SETD9: variants seen among roughly 807,000 people sequenced by gnomAD.
SETD9 encodes SET domain containing 9.
SETD9 carries 37 observed loss-of-function variants against 36.4 expected under a neutral mutation model. The ratio of observed to expected loss-of-function variants is 1.02; its 90% CI spans 0.78 to 1.34. SETD9 has a LOEUF of 1.34. Ranked by LOEUF, SETD9 falls within the 40% of genes most tolerant of loss-of-function variation. SETD9 has a pLI of 0.00. For missense variants in SETD9, 323 were observed against 353.2 expected (o/e 0.91, Z 0.69); for synonymous variants, 128 against 132.9 (o/e 0.96, Z 0.26).
chr5:56,910,914 T>C (rs947060599), intron 1 of SETD9: 1 of 257,090 alleles, frequency 3.9e-6, no homozygotes, highest in African/African-American at 2.2e-5. Flanking sequence ...TCTGCAAAAA[T>C]GGAATAATGT....
chr5:56,927,685 T>C (rs570480128), downstream of SETD9, among the ~76,000 whole-genome samples: 7 of 152,258 alleles, frequency 4.6e-5, no homozygotes, highest in South Asian at 1.5e-3. Context: ...AGTGTATCTG[T>C]TAAAAAAATC....
intron 4 of SETD9, 59 bp downstream of exon 4, chr5:56,914,048 T>G: frequency 3.1e-6 from 4 of 1,286,028 alleles, no homozygotes; most frequent in Non-Finnish European, 4.5e-6. Flanking sequence ...TCTACTCCTT[T>G]GTCATATGAC....
At chr5:56,913,779 T>TA (rs1749279968) in intron 3 of SETD9, 95 bp from the exon 4 acceptor site, 1 of 664,852 alleles carries the variant, frequency 1.5e-6, no homozygotes, top group South Asian at 2.3e-5. Context: ...TTTTTTTTTT[T>TA]AAGAAAAAAT....
At chr5:56,918,251 T>C (rs1370197024), downstream of SETD9, among the ~76,000 whole-genome samples, 3 of 152,070 alleles carry the variant, frequency 2.0e-5, no homozygotes, top group Non-Finnish European at 1.5e-5. Context: ...GCCAGGCACA[T>C]TCCCAACCAA....
In SETD9 at chr5:56,911,546, C is replaced by A; in HGVS notation, c.466+10C>A. On this transcript the variant is annotated intron_variant, in intron 2 of 5. Transcript: ENST00000285947. ...GTATCTATGTATCCTGGTAACAGCA[C>A]GATTAATATTATACTTTGCCAAGCT... The A allele has an allele frequency of 6.6e-7, 1 of 1,525,778 alleles. No individual in the cohort carries two copies. Among genetic ancestry groups the A allele is most frequent in the Non-Finnish European group, 8.7e-7 (1 of 1,143,834 alleles). The allele number at this position is 1,525,778 out of a possible 1,614,324, so 94.5% of individuals were successfully genotyped here. A position where few individuals can be genotyped will look rare whatever the true frequency, so the allele number is the denominator to read the frequency against.
chr5:56,923,261 T>C (rs1561228687), intron 5 of SETD9: 2 of 1,614,098 alleles, frequency 1.2e-6, no homozygotes, highest in Admixed American at 3.3e-5. Context: ...ATGTGTGTGA[T>C]TTTCAAAGTC....
chr5:56,925,417 G>C lies in SETD9; in HGVS notation c.*81G>C, dbSNP rs1290228530. ...ATAAGCACTTACAGCAAAGTTTCAG[G>C]AGACAAGGTTAATACACAAAAGTCA... is the stretch of plus-strand genomic sequence containing the variant. On this transcript the variant is annotated 3_prime_UTR_variant, in exon 6 of 6. Transcript: ENST00000628593. 7 of 434,122 alleles carry C rather than the reference G, an allele frequency of 1.6e-5. No homozygotes were observed. In the Admixed American group the frequency reaches 1.9e-4, roughly 12 times the overall value. The allele number at this position is 434,122 out of a possible 1,614,324, so 26.9% of individuals were successfully genotyped here. A position where few individuals can be genotyped will look rare whatever the true frequency, so the allele number is the denominator to read the frequency against.
downstream of SETD9, chr5:56,920,241 C>T (rs939524848): frequency 1.3e-4 from 20 of 152,486 alleles, no homozygotes; most frequent in African/African-American, 4.8e-4. Context: ...CTGACCATGA[C>T]AAGAGGAAAA....
At chr5:56,927,171 ATG>A (rs1486183788), downstream of SETD9, among the ~76,000 whole-genome samples, 6 of 152,146 alleles carry the variant, frequency 3.9e-5, no homozygotes, top group Non-Finnish European at 7.4e-5. Flanking sequence ...ACTGGTGGAT[ATG>A]TATCATTATA....
chr5:56,925,286 A>G, intron 5 of SETD9: 1 of 448,978 alleles, frequency 2.2e-6, no homozygotes, highest in Middle Eastern at 4.2e-4. Flanking sequence ...AAGAAATAAA[A>G]AGTATACAGA....
rs373520587 is a variant in SETD9 at position 56,911,537 on chromosome 5, G to A, written c.466+1G>A. On this transcript the variant is annotated splice_donor_variant, in intron 2 of 5. Coordinates refer to ENST00000285947, the MANE Select transcript of SETD9 (RefSeq NM_153706.4). LOFTEE classifies it high-confidence loss of function. ...GGCGCAGTCGTATCTATGTATCCTG[G>A]TAACAGCACGATTAATATTATACTT... is the stretch of plus-strand genomic sequence containing the variant. The A allele has an allele frequency of 3.3e-6, 5 of 1,537,018 alleles. No individual in the cohort carries two copies. Among genetic ancestry groups the A allele is most frequent in the Middle Eastern group, 1.7e-4 (1 of 5,736 alleles).
chr5:56,915,196 A>G (rs1203119429), intron 5 of SETD9, among the ~76,000 whole-genome samples: 1 of 152,150 alleles, frequency 6.6e-6, no homozygotes. Flanking sequence ...TTCTATGGCA[A>G]TACTTCATAA....
chr5:56,916,896 C>A lies in SETD9; in HGVS notation c.894C>A (p.Val298=). 1 of 1,597,592 alleles carries A rather than the reference C, an allele frequency of 6.3e-7. No homozygotes were observed. The highest frequency in any genetic ancestry group is 1.2e-5 in the South Asian group (1 of 85,454). ...TTTTTTCAAACTACTACACAATTGT[C>A]AGCTAACTCTGTGAATCAGAAATTA... The part of the protein sequence containing the change: ...EELFSNYYTI[V]S The change falls in exon 6 of 6, where the codon GTC becomes GTA. Residue 298 remains valine, a synonymous_variant. Coordinates refer to ENST00000285947, the MANE Select transcript of SETD9 (RefSeq NM_153706.4).
chr5:56,910,484 G>T (rs1579806033), intron 1 of SETD9: 11 of 1,100,530 alleles, frequency 1.0e-5, no homozygotes, highest in Non-Finnish European at 1.2e-5. Context: ...CCTGAAGTCA[G>T]TGTCCGACAA....
downstream of SETD9, among the ~76,000 whole-genome samples, chr5:56,927,326 TAACTA>T (rs962382435): frequency 6.6e-6 from 1 of 152,112 alleles, no homozygotes; most frequent in African/African-American, 2.4e-5. Flanking sequence ...GATATAATAA[TAACTA>T]TAGGAGTGGA....
chr5:56,913,046 C>T lies in SETD9; in HGVS notation c.502C>T (p.Gln168Ter), dbSNP rs1427917519. 9 of 1,613,726 alleles carry T rather than the reference C, an allele frequency of 5.6e-6. No individual in the cohort carries two copies. Among genetic ancestry groups the T allele is most frequent in the Non-Finnish European group, 7.6e-6 (9 of 1,179,870 alleles). Residue 168 changes from glutamine to a stop codon, truncating the protein, a stop_gained, in exon 3 of 6, where the codon CAG becomes TAG. Coordinates refer to ENST00000285947, the MANE Select transcript of SETD9 (RefSeq NM_153706.4). LOFTEE classifies it high-confidence loss of function. ...VYQKYEPIFFQSIGNPFIFRC... is the reference protein window; with the variant it reads ...VYQKYEPIFF ...TCAGAAGTATGAGCCGATCTTTTTC[C>T]AGTCCATTGGAAATCCGTTTATTTT...
chr5:56,925,291 T>C (rs1749908959), intron 5 of SETD9: 1 of 451,240 alleles, frequency 2.2e-6, no homozygotes. Flanking sequence ...ATAAAAAGTA[T>C]ACAGATTGGG....
At chr5:56,925,301 G>T in intron 5 of SETD9, 1 of 453,710 alleles carries the variant, frequency 2.2e-6, no homozygotes, top group South Asian at 1.6e-5. Context: ...TACAGATTGG[G>T]AAGGAAGAAA....
downstream of SETD9, among the ~76,000 whole-genome samples, chr5:56,918,852 T>C (rs755862925): frequency 2.0e-5 from 3 of 152,088 alleles, no homozygotes; most frequent in African/African-American, 2.4e-5. Flanking sequence ...TCAGAGGAAA[T>C]GAAATATGGG....
Sources: gnomAD v4.1 joint callset for allele counts (sites outside exome capture counted in the v4.1 genomes callset) on GRCh38, gnomAD v4.1.1 for gene constraint, MANE v1.5 for transcripts, NCBI Gene and HGNC (gene_info 2026-07-23, HGNC 2026-07-21) for gene names.